The following PCED1B variants were observed in gnomAD, a reference collection of about 807,000 sequenced individuals.
PCED1B encodes the protein PC-esterase domain containing 1B, also known as PC-esterase domain-containing protein 1B.
For synonymous variants in PCED1B, 251 were observed against 246.1 expected, an observed-to-expected ratio of 1.02 and a Z score of -0.19; for missense variants, 573 against 573.9, an observed-to-expected ratio of 1.00 and a Z score of 0.02.
chr12:47,227,827 T>G (rs192675102), intron 3 of PCED1B, among the ~76,000 whole-genome samples: 11 of 151,982 alleles, frequency 7.2e-5, no homozygotes, highest in African/African-American at 2.2e-4. Flanking sequence ...CACTCCAGCC[T>G]GGGTGACAGA....
chr12:47,194,484 C>T (rs1942541642), intron 2 of PCED1B, among the ~76,000 whole-genome samples: 1 of 152,102 alleles, frequency 6.6e-6, no homozygotes, highest in Admixed American at 6.5e-5. Context: ...GGATGGGTCT[C>T]TTTACAGGTA....
chr12:47,196,506 T>C (rs1592269656), intron 2 of PCED1B, among the ~76,000 whole-genome samples: 1 of 152,332 alleles, frequency 6.6e-6, no homozygotes, highest in Non-Finnish European at 1.5e-5. Context: ...GAAGAAACAA[T>C]TTAAAAACAC....
chr12:47,171,343 A>T (rs1282276460), intron 2 of PCED1B, among the ~76,000 whole-genome samples: 1 of 152,194 alleles, frequency 6.6e-6, no homozygotes, highest in East Asian at 1.9e-4. Context: ...CTGGGATTAC[A>T]GGCGTGAGCC....
At chr12:47,197,943 A>G (rs1030956481) in intron 2 of PCED1B, among the ~76,000 whole-genome samples, 1 of 152,234 alleles carries the variant, frequency 6.6e-6, no homozygotes, top group Non-Finnish European at 1.5e-5. Flanking sequence ...AGATGGGTTC[A>G]CTGGCTAATT....
intron 2 of PCED1B, among the ~76,000 whole-genome samples, chr12:47,149,214 C>T (rs1259392968): frequency 6.6e-6 from 1 of 152,192 alleles, no homozygotes; most frequent in African/African-American, 2.4e-5. Flanking sequence ...TTGTATCTAG[C>T]TTCCAAATAC....
chr12:47,143,538 C>A (rs1039708563), intron 2 of PCED1B, among the ~76,000 whole-genome samples: 2 of 152,016 alleles, frequency 1.3e-5, no homozygotes, highest in Non-Finnish European at 2.9e-5. Flanking sequence ...GATGAAAGAT[C>A]TGTACACAGA....
At chr12:47,231,207 C>A (rs965726316) in intron 3 of PCED1B, among the ~76,000 whole-genome samples, 1 of 152,084 alleles carries the variant, frequency 6.6e-6, no homozygotes, top group Non-Finnish European at 1.5e-5. Context: ...AGAAGAGAAG[C>A]GCGTATGTTT....
chr12:47,174,173 C>T (rs533791576), intron 2 of PCED1B, among the ~76,000 whole-genome samples: 75 of 152,020 alleles, frequency 4.9e-4, no homozygotes, highest in African/African-American at 1.7e-3. Context: ...CTTTGGAAGT[C>T]GGAGGAGGGT....
rs7135951 is a variant in PCED1B, at chr12:47,165,066, T to G, written c.-525-51156T>G. Among the ~76,000 whole-genome samples, 365 of 152,174 alleles carry G rather than the reference T, an allele frequency of 2.4e-3. 2 individuals are homozygous for G. Among genetic ancestry groups the G allele is most frequent in the Middle Eastern group, 0.014 (4 of 294 alleles). ...AATGTTGGCCTGCCCAGGTACTGCT[T>G]GAGAGTTTTACCCTGGAGGGGCTCC... On this transcript the variant is annotated intron_variant, in intron 2 of 3. Transcript: ENST00000546455.
intron 2 of PCED1B, among the ~76,000 whole-genome samples, chr12:47,177,871 C>T (rs1007941675): frequency 3.3e-5 from 5 of 152,038 alleles, no homozygotes; most frequent in Non-Finnish European, 2.9e-5. Context: ...CGCTTGAACT[C>T]GGTAGGTGGA....
At chr12:47,229,231 G>A (rs1943724746) in intron 3 of PCED1B, among the ~76,000 whole-genome samples, 1 of 151,938 alleles carries the variant, frequency 6.6e-6, no homozygotes, top group African/African-American at 2.4e-5. Context: ...TGGCCAACAT[G>A]GTGAAACCCC....
chr12:47,157,730 C>T (rs1941240570), intron 2 of PCED1B, among the ~76,000 whole-genome samples: 1 of 152,060 alleles, frequency 6.6e-6, no homozygotes, highest in South Asian at 2.1e-4. Context: ...GCTACTATCA[C>T]CAGGATCCAT....
chr12:47,134,916 A>ATTT (rs1039066221), intron 2 of PCED1B, among the ~76,000 whole-genome samples: 3 of 152,124 alleles, frequency 2.0e-5, no homozygotes, highest in African/African-American at 7.2e-5. Flanking sequence ...TTTTCAATCT[A>ATTT]TTTTTCTTCT....
At chr12:47,091,737 A>G (rs921060616) in intron 1 of PCED1B, among the ~76,000 whole-genome samples, 1 of 152,182 alleles carries the variant, frequency 6.6e-6, no homozygotes, top group African/African-American at 2.4e-5. Flanking sequence ...AATAAACATT[A>G]GAATACCTTT....
intron 2 of PCED1B, among the ~76,000 whole-genome samples, chr12:47,156,449 A>C (rs949369742): frequency 6.6e-6 from 1 of 152,116 alleles, no homozygotes; most frequent in East Asian, 1.9e-4. Flanking sequence ...TTTTCTCACA[A>C]GGTTCCAGTC....
intron 2 of PCED1B, among the ~76,000 whole-genome samples, chr12:47,149,172 C>T (rs1357343746): frequency 6.6e-6 from 1 of 152,230 alleles, no homozygotes; most frequent in African/African-American, 2.4e-5. Flanking sequence ...TCAGTTTAGA[C>T]ATCACTCAAT....
At chr12:47,172,340 CTTTTT>C (rs34230051) in intron 2 of PCED1B, among the ~76,000 whole-genome samples, 3 of 78,338 alleles carry the variant, frequency 3.8e-5, no homozygotes, top group Non-Finnish European at 7.3e-5. Context: ...TCGTGGGTTG[CTTTTT>C]TTTTTTTTTT....
chr12:47,105,172 T>C (rs1938890690), intron 2 of PCED1B, among the ~76,000 whole-genome samples: 1 of 151,998 alleles, frequency 6.6e-6, no homozygotes, highest in Non-Finnish European at 1.5e-5. Context: ...AAAGCTCCTA[T>C]ACAGAGGGGA....
Position 47,235,173 on chromosome 12 carries a change from T to G in PCED1B, c.110T>G (p.Leu37Arg), listed in dbSNP as rs1446087559. ...RAVYKDLVLLLQKDRLLTPGQ... is the reference protein window; with the variant it reads ...RAVYKDLVLLRQKDRLLTPGQ... ...GTATACAAGGACCTGGTGCTTCTGC[T>G]GCAGAAGGACCGCCTGCTCACTCCC... The change falls in exon 4 of 4, where the codon CTG (leucine) becomes CGG (arginine). Residue 37 changes from leucine (L) to arginine (R), a missense_variant. Coordinates refer to ENST00000546455, the MANE Select transcript of PCED1B (RefSeq NM_138371.3). 1 of 1,589,080 alleles carries G rather than the reference T, an allele frequency of 6.3e-7. No individual in the cohort carries two copies. The highest frequency in any genetic ancestry group is 1.7e-5 in the Admixed American group (1 of 58,364).
Sources: allele counts gnomAD v4.1 joint callset (sites outside exome capture counted in the v4.1 genomes callset), GRCh38; gene constraint gnomAD v4.1.1; transcripts MANE v1.5; gene names NCBI Gene and HGNC (gene_info 2026-07-23, HGNC 2026-07-21).